The following TOX2 variants were observed in gnomAD, a reference collection of about 807,000 sequenced individuals.
TOX2 encodes granulosa cell HMG box 1.
A neutral mutation model predicts 47.4 loss-of-function variants in TOX2; 15 were observed. That is an observed-to-expected ratio of 0.32 (90% CI 0.21 to 0.49). The LOEUF is 0.49. Ranked by LOEUF, TOX2 falls within the 20% of genes least tolerant of loss-of-function variation. The pLI is 0.99. For synonymous variants in TOX2, 290 were observed against 296.6 expected (o/e 0.98, Z 0.23); for missense variants, 622 against 673.1 (o/e 0.92, Z 0.84).
intron 3 of TOX2, chr20:44,039,183 G>A: frequency 7.8e-7 from 1 of 1,274,556 alleles, no homozygotes. Context: ...TGAGGCCAGA[G>A]GATGGAGCAG....
intron 4 of TOX2, among the ~76,000 whole-genome samples, chr20:44,053,439 T>TATACACCCAC (rs373458500): frequency 7.0e-6 from 1 of 143,108 alleles, no homozygotes; most frequent in Non-Finnish European, 1.5e-5. Flanking sequence ...GGCAGATATA[T>TATACACCCAC]ACACACACAC....
intron 2 of TOX2, among the ~76,000 whole-genome samples, chr20:43,995,374 A>G (rs1029963466): frequency 6.6e-6 from 1 of 152,188 alleles, no homozygotes; most frequent in Non-Finnish European, 1.5e-5. Context: ...TAAAATCACT[A>G]TACCCGTGAT....
chr20:43,994,917 G>A (rs913192025), intron 2 of TOX2, among the ~76,000 whole-genome samples: 15 of 152,150 alleles, frequency 9.9e-5, no homozygotes, highest in South Asian at 4.1e-4. Context: ...GGCTGGCAGC[G>A]TGGCACACTG....
chr20:43,994,378 G>A (rs1048099522), intron 2 of TOX2, among the ~76,000 whole-genome samples: 1 of 149,836 alleles, frequency 6.7e-6, no homozygotes, highest in African/African-American at 2.5e-5. Context: ...AGGATAGCTT[G>A]AGCCCAGGAG....
intron 3 of TOX2, among the ~76,000 whole-genome samples, chr20:44,031,693 T>A (rs1005373881): frequency 6.6e-6 from 1 of 151,926 alleles, no homozygotes; most frequent in Non-Finnish European, 1.5e-5. Context: ...ATTAAGAGAC[T>A]TACCATAGGC....
chr20:44,031,465 G>A (rs1320478145), intron 3 of TOX2, among the ~76,000 whole-genome samples: 3 of 152,142 alleles, frequency 2.0e-5, no homozygotes, highest in Non-Finnish European at 2.9e-5. Flanking sequence ...CCATCTGTTT[G>A]TCCCGCTGGA....
Position 43,983,469 on chromosome 20 carries a change from AGAG to A in TOX2, c.165+10041_165+10043del, listed in dbSNP as rs1440816613. ...GAAGACAAGGTGCTGTTCAGCTTCT[AGAG>A]GAGAACTCAGACCTGCCGCTCCCTG... is the stretch of plus-strand genomic sequence containing the variant. On this transcript the variant is annotated intron_variant, in intron 2 of 8. Transcript: ENST00000341197. Among the ~76,000 whole-genome samples, 6 of 152,218 alleles carry A rather than the reference AGAG, an allele frequency of 3.9e-5. 1 individual carries two copies. In the South Asian group the frequency reaches 8.3e-4, roughly 21 times the overall value.
At chr20:43,919,994 C>T (rs1018261113) in intron 1 of TOX2, among the ~76,000 whole-genome samples, 2 of 152,202 alleles carry the variant, frequency 1.3e-5, no homozygotes, top group African/African-American at 4.8e-5. Flanking sequence ...TGGGCTCCAC[C>T]CCCAGAGATT....
intron 3 of TOX2, 129 bp downstream of exon 3, chr20:44,006,921 G>T: frequency 7.3e-7 from 1 of 1,368,248 alleles, no homozygotes; most frequent in Non-Finnish European, 9.7e-7. Context: ...TTACCTGGTT[G>T]CTTGGAGTTG....
At chr20:43,933,377 G>A (rs2069279994) in intron 1 of TOX2, among the ~76,000 whole-genome samples, 3 of 152,222 alleles carry the variant, frequency 2.0e-5, no homozygotes, top group Non-Finnish European at 2.9e-5. Flanking sequence ...TCAGGCCAGC[G>A]CAGCTGAAAC....
intron 1 of TOX2, among the ~76,000 whole-genome samples, chr20:43,929,653 T>C (rs6093896): frequency 0.097 from 14,695 of 152,180 alleles, 1,616 homozygotes; most frequent in East Asian, 0.26. Context: ...ATCTGTGCAG[T>C]TGTCTTTCTT....
At position 44,050,166 on chromosome 20, in the gene TOX2, G is replaced by A. The variant is rs192322295; in HGVS notation, c.412-1140G>A. 3.3e-3 allele frequency among the ~76,000 whole-genome samples: 505 copies of A among 152,010 alleles called. 3 individuals are homozygous for A. Among genetic ancestry groups the A allele is most frequent in the African/African-American group, 0.011 (469 of 41,486 alleles). ...GTGTATACATGCATCAAAACATATC[G>A]TACATATAAATATATACAATTTGTC... On this transcript the variant is annotated intron_variant, in intron 3 of 8. Coordinates refer to ENST00000341197, the MANE Select transcript of TOX2 (RefSeq NM_001098797.2).
chr20:43,982,292 G>A (rs1349240456), intron 2 of TOX2, among the ~76,000 whole-genome samples: 1 of 152,202 alleles, frequency 6.6e-6, no homozygotes, highest in African/African-American at 2.4e-5. Context: ...TGTGGGGCAT[G>A]GGAGAATGAG....
In TOX2 at chr20:44,068,516, C is replaced by T. The variant is rs2071875585; in HGVS notation, c.1485-134C>T. 5.2e-6 allele frequency: 5 copies of T among 952,674 alleles called. No homozygotes were observed. The East Asian group carries it at 1.5e-4, about 28-fold the overall frequency. The allele number at this position is 952,674 out of a possible 1,614,324, so 59.0% of individuals were successfully genotyped here. Reference sequence around the variant, plus strand: ...TGGGTGGGGGTGGGACTTGCAGATGCAAGTCCCTCATTCAGCCACAGAGGG... The same window carrying T: ...TGGGTGGGGGTGGGACTTGCAGATGTAAGTCCCTCATTCAGCCACAGAGGG... On this transcript the variant is annotated intron_variant, in intron 8 of 8. Transcript: ENST00000341197.
chr20:43,922,616 A>AGG (rs1171357114), intron 1 of TOX2, among the ~76,000 whole-genome samples: 1 of 152,248 alleles, frequency 6.6e-6, no homozygotes, highest in Non-Finnish European at 1.5e-5. Context: ...GTAAGTGATT[A>AGG]TTAACCTAAT....
chr20:43,970,690 G>A (rs1267802367), intron 1 of TOX2, among the ~76,000 whole-genome samples: 1 of 152,192 alleles, frequency 6.6e-6, no homozygotes, highest in African/African-American at 2.4e-5. Context: ...ATCAAGTCAA[G>A]TACCCAGGAG....
chr20:44,013,309 C>A (rs79508963), intron 3 of TOX2, among the ~76,000 whole-genome samples: 5 of 152,058 alleles, frequency 3.3e-5, no homozygotes, highest in African/African-American at 1.2e-4. Context: ...TGAACTATTC[C>A]CCTCCAATCT....
At chr20:43,971,733 T>C (rs558595680) in intron 1 of TOX2, among the ~76,000 whole-genome samples, 1 of 152,356 alleles carries the variant, frequency 6.6e-6, no homozygotes, top group Admixed American at 6.5e-5. Flanking sequence ...ATATGTGTTA[T>C]ATCCACACTG....
At chr20:44,031,395 G>T (rs567903033) in intron 3 of TOX2, among the ~76,000 whole-genome samples, 46 of 152,334 alleles carry the variant, frequency 3.0e-4, no homozygotes, top group Middle Eastern at 6.8e-3. Flanking sequence ...CGCTGCATTT[G>T]TCAAGTGGGT....
Sources: gnomAD v4.1 joint callset for allele counts (sites outside exome capture counted in the v4.1 genomes callset) on GRCh38, gnomAD v4.1.1 for gene constraint, MANE v1.5 for transcripts, NCBI Gene and HGNC (gene_info 2026-07-23, HGNC 2026-07-21) for gene names.